The following P2RX3 variants were observed in gnomAD, a reference collection of about 807,000 sequenced individuals.
The protein encoded by P2RX3 is purinergic receptor P2X 3.
Under a neutral mutation model 51.5 loss-of-function variants are expected in P2RX3, and 41 were observed. The ratio of observed to expected loss-of-function variants is 0.80; its 90% CI spans 0.62 to 1.03. The LOEUF (loss-of-function observed/expected upper bound fraction) is 1.03, where lower values mean the gene tolerates loss of function less well. Among genes scored for constraint, P2RX3 ranks in the 50% least tolerant of loss-of-function variants. The pLI is 0.00. For missense variants in P2RX3, 459 were observed against 522.1 expected, an observed-to-expected ratio of 0.88 and a Z score of 1.18; for synonymous variants, 185 against 191.6, an observed-to-expected ratio of 0.97 and a Z score of 0.29.
intron 8 of P2RX3, among the ~76,000 whole-genome samples, chr11:57,360,811 A>AAAG (rs1554967554): frequency 1.9e-4 from 28 of 150,792 alleles, no homozygotes; most frequent in Admixed American, 4.0e-4. Flanking sequence ...AAAAAAGAAA[A>AAAG]AAAGAAAGAA....
rs968166378 is a variant in P2RX3 at position 57,368,513 on chromosome 11, A to T, written c.1002+76A>T. Reference sequence around the variant, plus strand: ...ACTGGTACCAGCAGGCAGGGGAGTGACGGCGGCAAAACTCTGCCTCTGCCT... The same window carrying T: ...ACTGGTACCAGCAGGCAGGGGAGTGTCGGCGGCAAAACTCTGCCTCTGCCT... On this transcript the variant is annotated intron_variant, in intron 10 of 11. Transcript: ENST00000263314. 2.6e-5 allele frequency: 40 copies of T among 1,531,460 alleles called. 1 individual carries two copies. The South Asian group carries it at 4.5e-4, about 17-fold the overall frequency. 94.9% of individuals were successfully genotyped at this position (1,531,460 alleles called of 1,614,324 possible). A position where few individuals can be genotyped will look rare whatever the true frequency, so the allele number is the denominator to read the frequency against.
rs376474043 is a variant in P2RX3, at chr11:57,346,718, G to A, written c.255+39G>A. 149 of 1,607,684 alleles carry A rather than the reference G, an allele frequency of 9.3e-5. No homozygotes were observed. The African/African-American group carries it at 1.7e-3, about 18-fold the overall frequency. ...ACCCAGAGAGGCATGTGGATGTCCA[G>A]ACACTGGGCAGGTTGGAAGGGAGAA... On this transcript the variant is annotated intron_variant, in intron 2 of 11. Transcript: ENST00000263314.
At chr11:57,369,585 GC>G in intron 11 of P2RX3, 147 bp downstream of exon 11, 1 of 769,862 alleles carries the variant, frequency 1.3e-6, no homozygotes. Context: ...ACAAGGGAAG[GC>G]TTGGCCAAGA....
chr11:57,356,581 G>A (rs1248484446), intron 8 of P2RX3, among the ~76,000 whole-genome samples: 3 of 152,194 alleles, frequency 2.0e-5, no homozygotes, highest in South Asian at 4.1e-4. Flanking sequence ...GAGATTTGGC[G>A]CCTGTCCTGC....
upstream of P2RX3, among the ~76,000 whole-genome samples, chr11:57,338,041 T>A (rs1464892826): frequency 6.6e-6 from 1 of 151,992 alleles, no homozygotes; most frequent in African/African-American, 2.4e-5. Context: ...CAGAACTGGG[T>A]GGAATTTGGC....
Position 57,346,896 on chromosome 11 carries a change from C to T in P2RX3, c.255+217C>T, listed in dbSNP as rs561493033. 6.6e-5 allele frequency among the ~76,000 whole-genome samples: 10 copies of T among 152,322 alleles called. No individual in the cohort carries two copies. In the East Asian group the frequency reaches 1.9e-3, roughly 29 times the overall value. Reference sequence around the variant, plus strand: ...CTGGGTTCCTCTCCAGGCTCTGCCACAACTTGTAATGCAATCAAGGACAAC... The same window carrying T: ...CTGGGTTCCTCTCCAGGCTCTGCCATAACTTGTAATGCAATCAAGGACAAC... On this transcript the variant is annotated intron_variant, in intron 2 of 11. Coordinates refer to ENST00000263314, the MANE Select transcript of P2RX3 (RefSeq NM_002559.5).
chr11:57,337,152 C>T (rs138693536), upstream of P2RX3, among the ~76,000 whole-genome samples: 1,253 of 151,710 alleles, frequency 8.3e-3, 19 homozygotes, highest in African/African-American at 0.029. Context: ...ATTAGCCAGG[C>T]GTGGTGGCGG....
At position 57,338,459 on chromosome 11, in the gene P2RX3, G is replaced by GTCGTGATC. The variant is rs954123032; in HGVS notation, c.-87_-80dup. 2.7e-5 allele frequency: 21 copies of GTCGTGATC among 778,042 alleles called. No individual in the cohort carries two copies. Among genetic ancestry groups the GTCGTGATC allele is most frequent in the Middle Eastern group, 3.9e-4 (1 of 2,566 alleles). 48.2% of individuals were successfully genotyped at this position (778,042 alleles called of 1,614,324 possible). A position where few individuals can be genotyped will look rare whatever the true frequency, so the allele number is the denominator to read the frequency against. Reference sequence around the variant, plus strand: ...AACCCCTCTAAGCTGCCCCCTCCAGGTCGTGATCTCGTCTCCCTGTCCTGT... The same window carrying GTCGTGATC: ...AACCCCTCTAAGCTGCCCCCTCCAGGTCGTGATCTCGTGATCTCGTCTCCCTGTCCTGT... On this transcript the variant is annotated 5_prime_UTR_variant, in exon 1 of 12. Transcript: ENST00000263314.
chr11:57,347,374 G>A, intron 3 of P2RX3, 41 bp from the exon 4 acceptor site: 2 of 1,551,738 alleles, frequency 1.3e-6, no homozygotes, highest in Non-Finnish European at 8.7e-7. Flanking sequence ...CACCAGGCCA[G>A]GACAGTGTCC....
intron 1 of P2RX3, among the ~76,000 whole-genome samples, chr11:57,344,015 A>T (rs1856388548): frequency 6.6e-6 from 1 of 151,150 alleles, no homozygotes; most frequent in Non-Finnish European, 1.5e-5. Flanking sequence ...TCTGAATGAA[A>T]CCCCTCCCCT....
intron 4 of P2RX3, 83 bp from the exon 5 acceptor site, chr11:57,348,087 A>T: frequency 8.0e-7 from 1 of 1,254,138 alleles, no homozygotes; most frequent in East Asian, 2.7e-5. Context: ...AGGGTCCCTG[A>T]TGGGGGGAAG....
intron 8 of P2RX3, among the ~76,000 whole-genome samples, chr11:57,365,008 G>A (rs563639700): frequency 2.6e-5 from 4 of 152,198 alleles, no homozygotes; most frequent in South Asian, 2.1e-4. Flanking sequence ...TTTTTTCACT[G>A]AGTCGTTCTC....
Position 57,338,523 on chromosome 11 carries a change from C to T in P2RX3, c.-28C>T, listed in dbSNP as rs1295578976. On this transcript the variant is annotated 5_prime_UTR_variant, in exon 1 of 12. Coordinates refer to ENST00000263314, the MANE Select transcript of P2RX3 (RefSeq NM_002559.5). ...CCTGAGGCCACCACTGGGCCCCCTT[C>T]TGAGTGTCCCCTGAGCACTCTCTCA... 1 of 1,525,748 alleles carries T rather than the reference C, an allele frequency of 6.6e-7. No individual in the cohort carries two copies. The highest frequency in any genetic ancestry group is 9.0e-7 in the Non-Finnish European group (1 of 1,108,088). The allele number at this position is 1,525,748 out of a possible 1,614,324, so 94.5% of individuals were successfully genotyped here.
At chr11:57,346,174 G>A (rs1407788995) in intron 1 of P2RX3, among the ~76,000 whole-genome samples, 3 of 152,174 alleles carry the variant, frequency 2.0e-5, no homozygotes, top group Admixed American at 6.5e-5. Context: ...TTTGAGCCAT[G>A]CATTCTCAAT....
chr11:57,350,296 C>CTTTTTTT (rs1183553337), intron 7 of P2RX3: 2,739 of 108,692 alleles, frequency 0.025, 124 homozygotes, highest in South Asian at 0.064. Flanking sequence ...GAGCCACAAC[C>CTTTTTTT]TTTTTTTTTT....
In P2RX3 at chr11:57,371,519, A is replaced by G. The variant is rs1856886151; in HGVS notation, c.*1522A>G. Among the ~76,000 whole-genome samples, 1 of 152,188 alleles carries G rather than the reference A, an allele frequency of 6.6e-6. No individual in the cohort carries two copies. The highest frequency in any genetic ancestry group is 2.4e-5 in the African/African-American group (1 of 41,464). On this transcript the variant is annotated 3_prime_UTR_variant, in exon 12 of 12. Transcript: ENST00000263314. The stretch of plus-strand genomic sequence containing the variant: ...CAGGAAGTGGGGAAGGGACAGCTTC[A>G]GGAGTAGTTCAGGAGGCTCAAATGG...
At chr11:57,361,893 A>C (rs1207598386) in intron 8 of P2RX3, among the ~76,000 whole-genome samples, 2 of 152,166 alleles carry the variant, frequency 1.3e-5, no homozygotes, top group Non-Finnish European at 2.9e-5. Flanking sequence ...TAGGTTAGAC[A>C]TCTAACTGTG....
rs188560719 is a variant in P2RX3 at position 57,370,859 on chromosome 11, G to A, written c.*862G>A. On this transcript the variant is annotated 3_prime_UTR_variant, in exon 12 of 12. Coordinates refer to ENST00000263314, the MANE Select transcript of P2RX3 (RefSeq NM_002559.5). ...ATTTGATTCCCGGACCTGGGATCCT[G>A]TCGTAGGCTGGGACCCTGTTCCAGG... 4.5e-3 allele frequency among the ~76,000 whole-genome samples: 678 copies of A among 152,322 alleles called. 10 individuals are homozygous for A. The highest frequency in any genetic ancestry group is 5.0e-3 in the South Asian group (24 of 4,826).
intron 5 of P2RX3, 118 bp downstream of exon 5, chr11:57,348,381 C>G: frequency 9.8e-7 from 1 of 1,022,008 alleles, no homozygotes; most frequent in South Asian, 1.7e-5. Flanking sequence ...AGTGTTGTCC[C>G]TTCCTGGTGT....
Sources: gnomAD v4.1 joint callset for allele counts (sites outside exome capture counted in the v4.1 genomes callset) on GRCh38, gnomAD v4.1.1 for gene constraint, MANE v1.5 for transcripts, NCBI Gene and HGNC (gene_info 2026-07-23, HGNC 2026-07-21) for gene names.